The following RBM47 variants were observed in gnomAD, a reference collection of about 807,000 sequenced individuals.
The protein encoded by RBM47 is RNA-binding protein 47.
In RBM47, 21 loss-of-function variants were observed where a neutral mutation model predicts 47.1. The observed-to-expected ratio is 0.45, with a 90% CI of 0.32 to 0.64. The LOEUF (loss-of-function observed/expected upper bound fraction) is 0.64, where lower values mean the gene tolerates loss of function less well. Ranked by LOEUF, RBM47 falls within the 30% of genes least tolerant of loss-of-function variation. The pLI is 0.05. For missense variants in RBM47, 708 were observed against 870.9 expected (o/e 0.81, Z 2.35); for synonymous variants, 375 against 361.7 (o/e 1.04, Z -0.42).
intron 1 of RBM47, among the ~76,000 whole-genome samples, chr4:40,599,355 C>T (rs1735037175): frequency 1.3e-5 from 2 of 151,862 alleles, no homozygotes; most frequent in Admixed American, 1.3e-4. Context: ...TAGGTACTTA[C>T]ACTTACCACC....
chr4:40,451,193 A>G (rs978578189), intron 3 of RBM47, among the ~76,000 whole-genome samples: 3 of 151,476 alleles, frequency 2.0e-5, no homozygotes, highest in Non-Finnish European at 4.4e-5. Context: ...CCAAAAAAAA[A>G]AAAAAAAAAA....
intron 2 of RBM47, among the ~76,000 whole-genome samples, chr4:40,524,124 G>A (rs1026632945): frequency 1.3e-5 from 2 of 152,042 alleles, no homozygotes; most frequent in African/African-American, 2.4e-5. Context: ...CACTGCACTC[G>A]GCTATGTCCC....
chr4:40,627,888 TAG>T (rs1310175844), intron 1 of RBM47, among the ~76,000 whole-genome samples: 1 of 152,166 alleles, frequency 6.6e-6, no homozygotes, highest in African/African-American at 2.4e-5. Flanking sequence ...ATTAAAAATA[TAG>T]AGATTGGTAA....
At chr4:40,570,846 AT>A (rs142261276) in intron 1 of RBM47, among the ~76,000 whole-genome samples, 20,318 of 152,088 alleles carry the variant, frequency 0.13, 1,718 homozygotes, top group Admixed American at 0.19. Flanking sequence ...CTAAAGTTAT[AT>A]TTTTTAAAAG....
At chr4:40,460,621 G>C (rs1333266220) in intron 3 of RBM47, among the ~76,000 whole-genome samples, 1 of 152,158 alleles carries the variant, frequency 6.6e-6, no homozygotes, top group Non-Finnish European at 1.5e-5. Context: ...GTTGCAGTGA[G>C]GTGAGATTGT....
At chr4:40,531,893 G>A (rs1226584642) in intron 2 of RBM47, among the ~76,000 whole-genome samples, 1 of 152,118 alleles carries the variant, frequency 6.6e-6, no homozygotes, top group Non-Finnish European at 1.5e-5. Context: ...GTGAGGCAGG[G>A]GGGTGAGGAC....
At position 40,501,382 on chromosome 4, in the gene RBM47, C is replaced by T. The variant is rs1723337830; in HGVS notation, c.-154-34683G>A. On this transcript the variant is annotated intron_variant, in intron 2 of 6. Coordinates refer to ENST00000295971, the MANE Select transcript of RBM47 (RefSeq NM_001098634.2). ...AGGTTCTGCTGCTCACAGTTCTAAC[C>T]TCAGAGGGTGGAGAGATACACAGCC... Among the ~76,000 whole-genome samples, 3 of 152,256 alleles carry T rather than the reference C, an allele frequency of 2.0e-5. No homozygotes were observed. In the South Asian group the frequency reaches 6.2e-4, roughly 32 times the overall value.
chr4:40,484,148 T>C (rs1467541127), intron 2 of RBM47, among the ~76,000 whole-genome samples: 1 of 152,224 alleles, frequency 6.6e-6, no homozygotes, highest in Non-Finnish European at 1.5e-5. Context: ...CAATTTCTAC[T>C]GATATTATAG....
rs1324029360 is a variant in RBM47 at position 40,628,292 on chromosome 4, TTCCC to T, written c.-240+1100_-240+1103del. ...TCCTTTCAGACTGGGTTGATTTTAGTTCCCTCCAAGACTTCAAGTCATTGATCTA... is the reference window on the plus strand; with the variant it reads ...TCCTTTCAGACTGGGTTGATTTTAGTTCCAAGACTTCAAGTCATTGATCTA... On this transcript the variant is annotated intron_variant, in intron 1 of 6. Coordinates refer to ENST00000295971, the MANE Select transcript of RBM47 (RefSeq NM_001098634.2). The surrounding 1 kb of genome is among the most constrained non-coding windows in gnomAD (Gnocchi z 4.0). Among the ~76,000 whole-genome samples, 1 of 152,228 alleles carries T rather than the reference TTCCC, an allele frequency of 6.6e-6. No homozygotes were observed. Among genetic ancestry groups the T allele is most frequent in the Non-Finnish European group, 1.5e-5 (1 of 68,038 alleles).
At chr4:40,625,971 C>T (rs1423327713) in intron 1 of RBM47, among the ~76,000 whole-genome samples, 2 of 152,150 alleles carry the variant, frequency 1.3e-5, no homozygotes, top group Non-Finnish European at 2.9e-5. Context: ...AGAGATTGTG[C>T]TTTTGATTTC....
At position 40,555,428 on chromosome 4, in the gene RBM47, T is replaced by C. The variant is rs1054836691; in HGVS notation, c.-239-10922A>G. 3.3e-5 allele frequency among the ~76,000 whole-genome samples: 5 copies of C among 152,318 alleles called. No homozygotes were observed. In the East Asian group the frequency reaches 9.6e-4, roughly 29 times the overall value. ...CTTCGTTTCTTGCAGCATGTCTGAG[T>C]GTCCATTCGCTCTGCTGAAGAAATA... On this transcript the variant is annotated intron_variant, in intron 1 of 6. Transcript: ENST00000295971.
At chr4:40,528,399 CT>C (rs201344442) in intron 2 of RBM47, among the ~76,000 whole-genome samples, 4 of 148,424 alleles carry the variant, frequency 2.7e-5, no homozygotes, top group South Asian at 2.1e-4. Flanking sequence ...CAGAGTGAGG[CT>C]TTTTTAAAAA....
chr4:40,584,216 G>A (rs1009664824), intron 1 of RBM47, among the ~76,000 whole-genome samples: 3 of 152,134 alleles, frequency 2.0e-5, no homozygotes, highest in South Asian at 4.2e-4. Flanking sequence ...CTCCTGCTCC[G>A]GCCTCCCAAT....
Position 40,581,413 on chromosome 4 carries a change from C to T in RBM47, c.-239-36907G>A, listed in dbSNP as rs1294406160. 2.5e-5 allele frequency among the ~76,000 whole-genome samples: 3 copies of T among 119,088 alleles called. No individual in the cohort carries two copies. The Admixed American group carries it at 2.6e-4, about 10-fold the overall frequency. 78.1% of individuals were successfully genotyped at this position (119,088 alleles called of 152,430 possible). On this transcript the variant is annotated intron_variant, in intron 1 of 6. Coordinates refer to ENST00000295971, the MANE Select transcript of RBM47 (RefSeq NM_001098634.2). ...TCCAGCCTGGGTGACAGAGCGAGAA[C>T]TTGTCTCAAAAAAAAAGTAATAATA...
At chr4:40,621,710 T>A (rs894597482) in intron 1 of RBM47, among the ~76,000 whole-genome samples, 4 of 152,202 alleles carry the variant, frequency 2.6e-5, no homozygotes, top group African/African-American at 9.7e-5. Context: ...AGTGTAATTA[T>A]CTGTAGGGCA....
intron 1 of RBM47, among the ~76,000 whole-genome samples, chr4:40,552,181 G>A (rs944738816): frequency 4.0e-5 from 6 of 151,828 alleles, no homozygotes; most frequent in Admixed American, 1.3e-4. Flanking sequence ...GGTGGATCAC[G>A]AGGTCAGGAG....
chr4:40,580,771 G>A (rs2154270929), intron 1 of RBM47, among the ~76,000 whole-genome samples: 1 of 152,358 alleles, frequency 6.6e-6, no homozygotes, highest in East Asian at 1.9e-4. Flanking sequence ...AGAGACAGGA[G>A]AATTTCAGAC....
At chr4:40,470,117 G>T (rs971525451) in intron 2 of RBM47, among the ~76,000 whole-genome samples, 1 of 152,124 alleles carries the variant, frequency 6.6e-6, no homozygotes, top group African/African-American at 2.4e-5. Flanking sequence ...CTTACCAAAG[G>T]TCACACAGTA....
chr4:40,617,025 G>A (rs1459276084), intron 1 of RBM47, among the ~76,000 whole-genome samples: 8 of 151,456 alleles, frequency 5.3e-5, no homozygotes, highest in South Asian at 2.1e-4. Flanking sequence ...ACAGGCGCCC[G>A]CCACTGCGGC....
Sources: allele counts gnomAD v4.1 joint callset (sites outside exome capture counted in the v4.1 genomes callset), GRCh38; gene constraint gnomAD v4.1.1; non-coding constraint Gnocchi (gnomAD v3.1); transcripts MANE v1.5; gene names NCBI Gene and HGNC (gene_info 2026-07-23, HGNC 2026-07-21).